The following WWTR1 variants were observed in gnomAD, a reference collection of about 807,000 sequenced individuals.
The protein encoded by WWTR1 is WW domain-containing transcription regulator protein 1.
WWTR1 carries 13 observed loss-of-function variants against 40.1 expected under a neutral mutation model. The observed-to-expected ratio is 0.32, with a 90% CI of 0.21 to 0.52. The LOEUF is 0.52. Among genes scored for constraint, WWTR1 ranks in the 20% least tolerant of loss-of-function variants. The pLI is 0.97. For synonymous variants in WWTR1, 230 were observed against 210.1 expected (o/e 1.09, Z -0.82); for missense variants, 436 against 523.1 (o/e 0.83, Z 1.63).
intron 4 of WWTR1, among the ~76,000 whole-genome samples, chr3:149,537,316 AT>A (rs781293293): frequency 6.6e-6 from 1 of 152,220 alleles, no homozygotes; most frequent in African/African-American, 2.4e-5. Flanking sequence ...GAATAAAAAA[AT>A]GACTTCCCAA....
chr3:149,657,040 C>G lies in WWTR1; in HGVS notation c.267G>C (p.Ser89=). ...TGCCCAGCTGCAGGGACGCGGGCGA[C>G]GAGTGCGAGCGGACATGCTGGGCAC... ...AGGAQHVRSH[S]SPASLQLGTG... is the part of the protein sequence containing the mutation. Residue 89 remains serine, a synonymous_variant, in exon 2 of 7, where the codon TCG becomes TCC. Coordinates refer to ENST00000360632, the MANE Select transcript of WWTR1 (RefSeq NM_015472.6). 3.8e-6 allele frequency: 6 copies of G among 1,579,254 alleles called. No homozygotes were observed. The highest frequency in any genetic ancestry group is 5.1e-6 in the Non-Finnish European group (6 of 1,167,688).
intron 3 of WWTR1, among the ~76,000 whole-genome samples, chr3:149,544,298 C>A (rs1252134870): frequency 6.6e-6 from 1 of 152,178 alleles, no homozygotes; most frequent in Non-Finnish European, 1.5e-5. Context: ...AGGAAGAATT[C>A]AATGGCAAAG....
At chr3:149,567,393 T>G (rs1185837047) in intron 3 of WWTR1, among the ~76,000 whole-genome samples, 1 of 152,198 alleles carries the variant, frequency 6.6e-6, no homozygotes, top group Non-Finnish European at 1.5e-5. Flanking sequence ...AAACTCCCTC[T>G]GTGAATGACC....
chr3:149,700,437 T>C (rs1576646139), intron 1 of WWTR1, among the ~76,000 whole-genome samples: 1 of 152,096 alleles, frequency 6.6e-6, no homozygotes, highest in East Asian at 1.9e-4. Context: ...ACAGAAAGGG[T>C]GAATTAATCT....
intron 4 of WWTR1, 109 bp downstream of exon 4, chr3:149,542,226 A>C: frequency 7.7e-7 from 1 of 1,297,222 alleles, no homozygotes; most frequent in Non-Finnish European, 1.1e-6. Context: ...TTTGAGCCCT[A>C]TTGTCTCTTC....
chr3:149,559,148 G>T (rs889782884), intron 3 of WWTR1, among the ~76,000 whole-genome samples: 4 of 151,944 alleles, frequency 2.6e-5, no homozygotes, highest in African/African-American at 9.7e-5. Flanking sequence ...ACAAAAATTT[G>T]CCAGGCGTAG....
Position 149,638,222 on chromosome 3 carries a change from G to GAAAGA in WWTR1, c.431+18649_431+18653dup, listed in dbSNP as rs532112698. On this transcript the variant is annotated intron_variant, in intron 2 of 6. Coordinates refer to ENST00000360632, the MANE Select transcript of WWTR1 (RefSeq NM_015472.6). ...CAAGAGCGAAACTTTGTCAAAAAAA[G>GAAAGA]AAAGAAAAGAAAAGAAAAGAGGCAT... Among the ~76,000 whole-genome samples the GAAAGA allele has an allele frequency of 3.9e-5, 6 of 152,062 alleles. No individual in the cohort carries two copies. The East Asian group carries it at 5.8e-4, about 15-fold the overall frequency.
intron 1 of WWTR1, chr3:149,702,241 A>T (rs1205251529): frequency 6.6e-6 from 1 of 152,524 alleles, no homozygotes; most frequent in African/African-American, 2.4e-5. Flanking sequence ...AAGAATAAGC[A>T]TATGATTCCT....
chr3:149,694,703 T>C (rs956794946), intron 1 of WWTR1, among the ~76,000 whole-genome samples: 6 of 152,226 alleles, frequency 3.9e-5, no homozygotes, highest in Non-Finnish European at 7.4e-5. Context: ...AGAACCCTCA[T>C]ACACTGTTGG....
upstream of WWTR1, among the ~76,000 whole-genome samples, chr3:149,662,206 G>C (rs1024846305): frequency 3.3e-5 from 5 of 151,810 alleles, no homozygotes; most frequent in Admixed American, 6.6e-5. Flanking sequence ...CTGAGATTCA[G>C]CCCAGGGTTG....
chr3:149,708,824 T>A (rs1437786712), intron 5 of WWTR1, among the ~76,000 whole-genome samples: 1 of 152,116 alleles, frequency 6.6e-6, no homozygotes, highest in African/African-American at 2.4e-5. Context: ...TTTGGAAATA[T>A]ACCCAGAAGA....
chr3:149,720,074 T>G (rs571484664), intron 4 of WWTR1, among the ~76,000 whole-genome samples: 47 of 152,350 alleles, frequency 3.1e-4, no homozygotes, highest in Non-Finnish European at 6.3e-4. Context: ...GTAGGCTGTC[T>G]TTCTATTCTG....
At chr3:149,661,733 G>GTT (rs369645645), upstream of WWTR1, among the ~76,000 whole-genome samples, 501 of 133,820 alleles carry the variant, frequency 3.7e-3, 1 homozygote, top group African/African-American at 4.7e-3. Context: ...CACAAATAAA[G>GTT]TTTTTTTTTT....
chr3:149,585,529 C>A (rs1306730135), intron 2 of WWTR1, among the ~76,000 whole-genome samples: 2 of 150,712 alleles, frequency 1.3e-5, no homozygotes, highest in Non-Finnish European at 2.9e-5. Flanking sequence ...CCACAAGTCT[C>A]ACATAGTTCC....
intron 4 of WWTR1, among the ~76,000 whole-genome samples, chr3:149,535,075 C>T (rs1234052605): frequency 1.3e-5 from 2 of 152,160 alleles, no homozygotes; most frequent in Non-Finnish European, 2.9e-5. Flanking sequence ...TGCCAGCCAG[C>T]TCCTGCCCTC....
In WWTR1 at chr3:149,657,828, C is replaced by A. The variant is rs1164876359; in HGVS notation, c.-67G>T. 4 of 157,736 alleles carry A rather than the reference C, an allele frequency of 2.5e-5. No individual in the cohort carries two copies. The highest frequency in any genetic ancestry group is 1.9e-4 in the Admixed American group (3 of 15,924). The allele number at this position is 157,736 out of a possible 1,614,324, so 9.8% of individuals were successfully genotyped here. Reference sequence around the variant, plus strand: ...CCGCCGTCCCGCCCGAACTTGCCGTCGGGCCTGGGTCGCTCGGGTGAGTCC... The same window carrying A: ...CCGCCGTCCCGCCCGAACTTGCCGTAGGGCCTGGGTCGCTCGGGTGAGTCC... On this transcript the variant is annotated 5_prime_UTR_variant, in exon 1 of 7. Coordinates refer to ENST00000360632, the MANE Select transcript of WWTR1 (RefSeq NM_015472.6).
chr3:149,692,828 T>C (rs1025644319), intron 1 of WWTR1, among the ~76,000 whole-genome samples: 1 of 152,084 alleles, frequency 6.6e-6, no homozygotes, highest in Non-Finnish European at 1.5e-5. Flanking sequence ...AGAGATGGGT[T>C]TTTACCATGT....
At chr3:149,572,664 A>G (rs1212714311) in intron 3 of WWTR1, among the ~76,000 whole-genome samples, 200 bp downstream of exon 3, 1 of 151,788 alleles carries the variant, frequency 6.6e-6, no homozygotes, top group Non-Finnish European at 1.5e-5. Flanking sequence ...TTGATTGAAC[A>G]CCATTTCTTC....
At chr3:149,594,782 G>A (rs2108037740) in intron 2 of WWTR1, among the ~76,000 whole-genome samples, 1 of 151,526 alleles carries the variant, frequency 6.6e-6, no homozygotes, top group African/African-American at 2.4e-5. Flanking sequence ...TGGAACAACT[G>A]GGGGAATTTG....
Sources: allele counts gnomAD v4.1 joint callset (sites outside exome capture counted in the v4.1 genomes callset), GRCh38; gene constraint gnomAD v4.1.1; transcripts MANE v1.5; gene names NCBI Gene and HGNC (gene_info 2026-07-23, HGNC 2026-07-21).